Variants in DBT observed in about 807,000 individuals in gnomAD.
DBT encodes the protein lipoamide acyltransferase component of branched-chain alpha-keto acid dehydrogenase complex, mitochondrial.
DBT carries 40 observed loss-of-function variants against 51.3 expected under a neutral mutation model. The ratio of observed to expected loss-of-function variants is 0.78; its 90% CI spans 0.61 to 1.02. The LOEUF is 1.02. DBT is among the 50% of genes least tolerant of loss of function. The pLI is 0.00. For synonymous variants in DBT, 181 were observed against 190.4 expected (o/e 0.95, Z 0.41); for missense variants, 510 against 580.2 (o/e 0.88, Z 1.24).
chr1:100,232,690 G>T (rs1328908885), intron 3 of DBT, among the ~76,000 whole-genome samples: 1 of 152,084 alleles, frequency 6.6e-6, no homozygotes, highest in Non-Finnish European at 1.5e-5. Context: ...TGCAACCTCT[G>T]CATCCTGGGT....
chr1:100,189,455 TCTGA>T lies in DBT; in HGVS notation c.*6796_*6799del, dbSNP rs1660711399. 6.6e-6 allele frequency: 1 copy of T among 152,182 alleles called. No homozygotes were observed. Among genetic ancestry groups the T allele is most frequent in the Admixed American group, 6.5e-5 (1 of 15,268 alleles). 9.4% of individuals were successfully genotyped at this position (152,182 alleles called of 1,614,324 possible). A position where few individuals can be genotyped will look rare whatever the true frequency, so the allele number is the denominator to read the frequency against. On this transcript the variant is annotated 3_prime_UTR_variant, in exon 11 of 11. Transcript: ENST00000370132. ...AATAGTTCATAGTTGACCTGGTCTGTCTGACTGTCTGAGATGTCACTGAGTCATT... is the reference window on the plus strand; with the variant it reads ...AATAGTTCATAGTTGACCTGGTCTGTCTGTCTGAGATGTCACTGAGTCATT...
intron 4 of DBT, among the ~76,000 whole-genome samples, chr1:100,224,782 C>T (rs946688074): frequency 5.3e-5 from 8 of 151,374 alleles, no homozygotes; most frequent in African/African-American, 7.3e-5. Context: ...TTTGGGAGGC[C>T]GAGGTGGGCA....
intron 1 of DBT, among the ~76,000 whole-genome samples, chr1:100,246,180 C>T (rs1365771896): frequency 6.6e-6 from 1 of 152,114 alleles, no homozygotes; most frequent in Admixed American, 6.5e-5. Context: ...ATCGCTTGAA[C>T]CCGGGAGGCG....
chr1:100,247,518 G>A (rs1174296460), intron 1 of DBT, among the ~76,000 whole-genome samples: 1 of 151,870 alleles, frequency 6.6e-6, no homozygotes, highest in East Asian at 1.9e-4. Flanking sequence ...GGCCAACATG[G>A]CAAAACCCCG....
At chr1:100,231,888 C>T (rs530687696) in intron 3 of DBT, among the ~76,000 whole-genome samples, 28 of 152,146 alleles carry the variant, frequency 1.8e-4, no homozygotes, top group Non-Finnish European at 3.7e-4. Context: ...CTTTCCCTAG[C>T]GCAGCAGGAG....
intron 3 of DBT, among the ~76,000 whole-genome samples, chr1:100,231,525 G>A (rs1160793090): frequency 6.6e-6 from 1 of 152,136 alleles, no homozygotes; most frequent in African/African-American, 2.4e-5. Flanking sequence ...CATTCTAATG[G>A]CATTCTTAAT....
intron 1 of DBT, among the ~76,000 whole-genome samples, chr1:100,243,272 A>C (rs1431818266): frequency 6.6e-6 from 1 of 151,452 alleles, no homozygotes; most frequent in Non-Finnish European, 1.5e-5. Context: ...AAAAAAAAAA[A>C]AAAAGAAAGA....
chr1:100,227,075 G>A (rs1421412979), intron 4 of DBT, among the ~76,000 whole-genome samples: 1 of 152,218 alleles, frequency 6.6e-6, no homozygotes, highest in Admixed American at 6.5e-5. Flanking sequence ...TCACAAACCT[G>A]TGGAGCATGT....
chr1:100,240,977 G>A (rs1664178993), intron 1 of DBT, 93 bp from the exon 2 acceptor site: 1 of 1,226,612 alleles, frequency 8.2e-7, no homozygotes, highest in African/African-American at 1.5e-5. Context: ...CATTCTAAAA[G>A]TAGAACCATT....
rs1415881909 is a variant in DBT at position 100,225,080 on chromosome 1, C to T, written c.433+5653G>A. Reference sequence around the variant, plus strand: ...ACACACACACACACACACACACACACACACACACACACACATATAATCTGA... The same window carrying T: ...ACACACACACACACACACACACACATACACACACACACACATATAATCTGA... On this transcript the variant is annotated intron_variant, in intron 4 of 10. Coordinates refer to ENST00000370132, the MANE Select transcript of DBT (RefSeq NM_001918.5). 5.5e-4 allele frequency among the ~76,000 whole-genome samples: 76 copies of T among 137,990 alleles called. 2 individuals are homozygous for T. The highest frequency in any genetic ancestry group is 9.5e-4 in the Non-Finnish European group (62 of 64,982). The allele number at this position is 137,990 out of a possible 152,430, so 90.5% of individuals were successfully genotyped here. A position where few individuals can be genotyped will look rare whatever the true frequency, so the allele number is the denominator to read the frequency against.
intron 5 of DBT, among the ~76,000 whole-genome samples, chr1:100,216,495 C>T (rs1557949329): frequency 6.6e-6 from 1 of 152,162 alleles, no homozygotes; most frequent in Non-Finnish European, 1.5e-5. Flanking sequence ...CCTGGCTGGT[C>T]TTGAACTCCT....
In DBT at chr1:100,235,416, C is replaced by T. The variant is rs1557958683; in HGVS notation, c.251+20G>A. The T allele has an allele frequency of 3.9e-6, 5 of 1,272,278 alleles. No individual in the cohort carries two copies. The South Asian group carries it at 5.0e-5, about 13-fold the overall frequency. The allele number at this position is 1,272,278 out of a possible 1,614,324, so 78.8% of individuals were successfully genotyped here. The stretch of plus-strand genomic sequence containing the variant: ...AATTATTTTTAAATTTACTTAAGAG[C>T]TTTTTTCAGATTCACTTACCATTCT... On this transcript the variant is annotated intron_variant, in intron 3 of 10. Coordinates refer to ENST00000370132, the MANE Select transcript of DBT (RefSeq NM_001918.5).
chr1:100,230,545 G>C (rs912266236), intron 4 of DBT, among the ~76,000 whole-genome samples, 188 bp downstream of exon 4: 2 of 150,608 alleles, frequency 1.3e-5, no homozygotes, highest in African/African-American at 4.9e-5. Context: ...CTACAATTCA[G>C]ATTTCTATTT....
At chr1:100,239,471 T>A (rs1181481485) in intron 2 of DBT, among the ~76,000 whole-genome samples, 2 of 151,560 alleles carry the variant, frequency 1.3e-5, no homozygotes, top group African/African-American at 2.4e-5. Flanking sequence ...TAGTGGAGGA[T>A]GACATAGAAA....
intron 4 of DBT, 104 bp downstream of exon 4, chr1:100,230,629 G>GAAAAAAAAAAA: frequency 1.9e-6 from 1 of 534,316 alleles, no homozygotes; most frequent in Non-Finnish European, 3.1e-6. Flanking sequence ...AATAGGAATA[G>GAAAAAAAAAAA]AAAAAAAAAA....
At position 100,202,583 on chromosome 1, in the gene DBT, T is replaced by C. The variant is rs147973178; in HGVS notation, c.1281+3647A>G. Among the ~76,000 whole-genome samples the C allele has an allele frequency of 7.5e-3, 1,148 of 152,274 alleles. 9 individuals carry two copies. The highest frequency in any genetic ancestry group is 0.026 in the African/African-American group (1,080 of 41,558). On this transcript the variant is annotated intron_variant, in intron 10 of 10. Coordinates refer to ENST00000370132, the MANE Select transcript of DBT (RefSeq NM_001918.5). ...TCAGCTCTGGACCAAGCGGACCTAA[T>C]AGACATCGACAGAACTCTCCACCCC...
Position 100,214,884 on chromosome 1 carries a change from C to T in DBT, c.872G>A (p.Arg291Gln), listed in dbSNP as rs775808731. 20 of 1,613,896 alleles carry T rather than the reference C, an allele frequency of 1.2e-5. No homozygotes were observed. Among genetic ancestry groups the T allele is most frequent in the Admixed American group, 3.3e-5 (2 of 59,998 alleles). ...EIDLTELVKL[R>Q]EELKPIAFAR... ...AAATGCAATGGGTTTTAATTCTTCT[C>T]GGAGCTTAACCAGTTCAGTAAGGTC... The change falls in exon 7 of 11, where the codon CGA becomes CAA. Residue 291 changes from arginine (R) to glutamine (Q), a missense_variant. Physicochemically the swap from Arg to Gln is conservative, Grantham distance 43 (BLOSUM62 1). Coordinates refer to ENST00000370132, the MANE Select transcript of DBT (RefSeq NM_001918.5).
rs1161001732 is a variant in DBT, at chr1:100,191,749, T to TACACACAC, written c.*4498_*4505dup. Reference sequence around the variant, plus strand: ...GTGTGTATATATATGTGTGTGTGTATACACACACACACACACACACACACA... The same window carrying TACACACAC: ...GTGTGTATATATATGTGTGTGTGTATACACACACACACACACACACACACACACACACA... On this transcript the variant is annotated 3_prime_UTR_variant, in exon 11 of 11. Coordinates refer to ENST00000370132, the MANE Select transcript of DBT (RefSeq NM_001918.5). The TACACACAC allele has an allele frequency of 1.1e-3, 56 of 49,004 alleles. No individual in the cohort carries two copies. Among genetic ancestry groups the TACACACAC allele is most frequent in the African/African-American group, 2.1e-3 (53 of 24,982 alleles). The allele number at this position is 49,004 out of a possible 1,614,324, so 3.0% of individuals were successfully genotyped here.
intron 2 of DBT, among the ~76,000 whole-genome samples, chr1:100,239,998 G>C (rs1000921296): frequency 1.3e-5 from 2 of 151,842 alleles, no homozygotes; most frequent in Non-Finnish European, 2.9e-5. Flanking sequence ...CAAAAGTCTA[G>C]GGTTCTTTAT....
Sources: allele counts gnomAD v4.1 joint callset (sites outside exome capture counted in the v4.1 genomes callset), GRCh38; gene constraint gnomAD v4.1.1; transcripts MANE v1.5; gene names NCBI Gene and HGNC (gene_info 2026-07-23, HGNC 2026-07-21).